DIAPH2: variants seen among roughly 807,000 people sequenced by gnomAD.
DIAPH2 encodes the protein protein diaphanous homolog 2.
Under a neutral mutation model 92.7 loss-of-function variants are expected in DIAPH2, and 35 were observed. The observed-to-expected ratio is 0.38, with a 90% CI of 0.29 to 0.50. The LOEUF (loss-of-function observed/expected upper bound fraction) is 0.50, where lower values mean the gene tolerates loss of function less well. DIAPH2 is among the 20% of genes least tolerant of loss of function. The probability of loss-of-function intolerance (pLI) is 0.94; values close to 1 mark genes in which losing one functional copy is unlikely to be tolerated. For synonymous variants in DIAPH2, 301 were observed against 280.4 expected (o/e 1.07, Z -0.73); for missense variants, 701 against 819.5 (o/e 0.86, Z 1.77).
At chrX:96,908,252 T>C (rs1307043598) in intron 5 of DIAPH2, among the ~76,000 whole-genome samples, 2 of 111,796 alleles carry the variant, frequency 1.8e-5, no homozygotes, top group Non-Finnish European at 3.8e-5. Context: ...CATACCTCAG[T>C]AAAAAGGAAA....
At chrX:96,969,355 T>G (rs2065913213) in intron 17 of DIAPH2, among the ~76,000 whole-genome samples, 1 of 111,669 alleles carries the variant, frequency 9.0e-6, no homozygotes, top group South Asian at 3.8e-4. Flanking sequence ...CTCATCCAAT[T>G]TATGAGCATG....
chrX:97,185,455 G>GTATATATATATATACACATATATA, intron 22 of DIAPH2, among the ~76,000 whole-genome samples: 1 of 9,120 alleles, frequency 1.1e-4, no homozygotes, highest in African/African-American at 4.2e-4. Flanking sequence ...ATATGTGTGT[G>GTATATATATATATACACATATATA]TATATATATA....
intron 22 of DIAPH2, among the ~76,000 whole-genome samples, chrX:97,185,345 ATATATATGTGTG>A (rs1268106492): frequency 1.6e-3 from 6 of 3,759 alleles, no homozygotes; most frequent in South Asian, 0.011. Flanking sequence ...ATATATGTAT[ATATATATGTGTG>A]TATATATATA....
At chrX:97,149,533 C>T (rs1483598596) in intron 22 of DIAPH2, among the ~76,000 whole-genome samples, 7 of 109,209 alleles carry the variant, frequency 6.4e-5, no homozygotes, top group African/African-American at 2.3e-4. Flanking sequence ...AGATCGAGAC[C>T]ATCCTGGCTA....
At chrX:97,477,620 ATC>A (rs2070620634) in intron 26 of DIAPH2, among the ~76,000 whole-genome samples, 1 of 109,907 alleles carries the variant, frequency 9.1e-6, no homozygotes, top group Non-Finnish European at 1.9e-5. Context: ...AAATCTATCT[ATC>A]TATCTATATA....
chrX:97,525,340 G>T (rs775181761), intron 26 of DIAPH2, among the ~76,000 whole-genome samples: 2 of 112,142 alleles, frequency 1.8e-5, no homozygotes, highest in African/African-American at 6.5e-5. Context: ...TGCCTGGACT[G>T]CCCTCCCTTG....
intron 22 of DIAPH2, among the ~76,000 whole-genome samples, chrX:97,157,339 TAATA>T (rs1019826929): frequency 3.8e-4 from 18 of 47,147 alleles, no homozygotes; most frequent in South Asian, 3.5e-3. Flanking sequence ...AATAATATAA[TAATA>T]ATAATAATAA....
intron 23 of DIAPH2, among the ~76,000 whole-genome samples, chrX:97,277,970 G>A (rs967532675): frequency 1.8e-5 from 2 of 111,474 alleles, no homozygotes; most frequent in South Asian, 3.8e-4. Flanking sequence ...CTAAGCCTCC[G>A]GAGTAGCTGG....
intron 23 of DIAPH2, among the ~76,000 whole-genome samples, chrX:97,307,308 A>C (rs1467842594): frequency 3.6e-5 from 4 of 112,071 alleles, no homozygotes; most frequent in Admixed American, 1.9e-4. Flanking sequence ...CCTGCCTTTC[A>C]GGTTTAATCC....
chrX:97,216,847 T>C (rs1025953625), intron 22 of DIAPH2, among the ~76,000 whole-genome samples: 2 of 111,667 alleles, frequency 1.8e-5, no homozygotes, highest in Non-Finnish European at 3.8e-5. Context: ...CTGTGGCACT[T>C]ATCGATTTTC....
intron 5 of DIAPH2, among the ~76,000 whole-genome samples, chrX:96,891,937 G>A (rs1180570242): frequency 9.0e-6 from 1 of 111,624 alleles, no homozygotes; most frequent in Non-Finnish European, 1.9e-5. Flanking sequence ...ATTACCTCTG[G>A]AATATTTGTG....
intron 26 of DIAPH2, among the ~76,000 whole-genome samples, chrX:97,488,770 A>T (rs2070706045): frequency 8.9e-6 from 1 of 111,950 alleles, no homozygotes; most frequent in Non-Finnish European, 1.9e-5. Flanking sequence ...ATGCATGGAT[A>T]TATTTCTAGG....
intron 17 of DIAPH2, among the ~76,000 whole-genome samples, chrX:97,010,263 C>G (rs545057036): frequency 1.3e-4 from 14 of 110,568 alleles, no homozygotes; most frequent in African/African-American, 3.6e-4. Context: ...ATTGTGCTCT[C>G]TCTTCCCAAA....
At chrX:97,347,908 G>C (rs1007810687) in intron 23 of DIAPH2, among the ~76,000 whole-genome samples, 1 of 111,572 alleles carries the variant, frequency 9.0e-6, no homozygotes, top group Admixed American at 9.6e-5. Context: ...CAGACTTCTA[G>C]CCTCCAGAAT....
At chrX:96,766,465 T>C (rs2064304668) in intron 4 of DIAPH2, among the ~76,000 whole-genome samples, 1 of 110,626 alleles carries the variant, frequency 9.0e-6, no homozygotes, top group Admixed American at 9.7e-5. Flanking sequence ...AATTTTTTTG[T>C]TTGTTTTTTT....
At chrX:97,476,037 C>A (rs1157829216) in intron 26 of DIAPH2, among the ~76,000 whole-genome samples, 1 of 109,482 alleles carries the variant, frequency 9.1e-6, no homozygotes, top group East Asian at 2.8e-4. Flanking sequence ...TAGAACCCAA[C>A]ACATTAATAT....
At chrX:96,859,721 A>C (rs1328474224) in intron 4 of DIAPH2, among the ~76,000 whole-genome samples, 1 of 108,980 alleles carries the variant, frequency 9.2e-6, no homozygotes, top group African/African-American at 3.4e-5. Flanking sequence ...GGCTCACTGC[A>C]AGCTCCGCCT....
intron 4 of DIAPH2, among the ~76,000 whole-genome samples, chrX:96,826,026 T>C (rs1294679036): frequency 1.8e-5 from 2 of 112,145 alleles, no homozygotes; most frequent in Admixed American, 1.9e-4. Context: ...AGAAAGAGTA[T>C]TTCTTCATGA....
At chrX:97,178,008 A>G (rs1284668667) in intron 22 of DIAPH2, among the ~76,000 whole-genome samples, 2 of 111,768 alleles carry the variant, frequency 1.8e-5, no homozygotes, top group African/African-American at 3.3e-5. Context: ...CAGGAGTTCA[A>G]GATGAGCCTG....
Sources: allele counts gnomAD v4.1 joint callset (sites outside exome capture counted in the v4.1 genomes callset), GRCh38; gene constraint gnomAD v4.1.1; transcripts MANE v1.5; gene names NCBI Gene and HGNC (gene_info 2026-07-23, HGNC 2026-07-21).